Variants in SYT16 observed in about 807,000 individuals in gnomAD.
SYT16 encodes synaptotagmin 16, also known as synaptotagmin-16.
A neutral mutation model predicts 61.4 loss-of-function variants in SYT16; 42 were observed. The ratio of observed to expected loss-of-function variants is 0.68; its 90% confidence interval spans 0.53 to 0.89. The LOEUF is 0.89. Ranked by LOEUF, SYT16 falls within the 40% of genes least tolerant of loss-of-function variation. The pLI is 0.00. For missense variants in SYT16, 804 were observed against 807.3 expected (o/e 1.00, Z 0.05); for synonymous variants, 314 against 302.3 (o/e 1.04, Z -0.40).
chr14:62,101,373 A>C lies in SYT16; in HGVS notation c.*666A>C, dbSNP rs2057414697. 1 of 152,178 alleles carries C rather than the reference A, an allele frequency of 6.6e-6. No homozygotes were observed. Among genetic ancestry groups the C allele is most frequent in the Non-Finnish European group, 1.5e-5 (1 of 68,022 alleles). 9.4% of individuals were successfully genotyped at this position (152,178 alleles called of 1,614,324 possible). On this transcript the variant is annotated 3_prime_UTR_variant, in exon 8 of 8. Coordinates refer to ENST00000683842, the MANE Select transcript of SYT16 (RefSeq NM_001367656.1). ...TTTGAAGCAAGAAAAGAGTTCAGAA[A>C]CTACTGTTTTAAGACAACTTGTCTC...
At chr14:62,050,780 A>T (rs2140887094) in intron 3 of SYT16, among the ~76,000 whole-genome samples, 2 of 152,090 alleles carry the variant, frequency 1.3e-5, no homozygotes, top group East Asian at 3.9e-4. Context: ...GTGGCTGCAG[A>T]ACAGCAGATG....
intron 1 of SYT16, among the ~76,000 whole-genome samples, chr14:61,853,074 A>G (rs918316888): frequency 6.6e-6 from 1 of 152,152 alleles, no homozygotes; most frequent in Non-Finnish European, 1.5e-5. Flanking sequence ...ATCTGCCACC[A>G]TGCCCAACTA....
chr14:62,026,247 T>C (rs747955898), intron 3 of SYT16, among the ~76,000 whole-genome samples: 4 of 152,208 alleles, frequency 2.6e-5, no homozygotes, highest in Non-Finnish European at 5.9e-5. Context: ...TCAAAGTATA[T>C]TTCAAACTGT....
chr14:62,084,970 T>G (rs1595378893), intron 7 of SYT16, among the ~76,000 whole-genome samples: 1 of 152,122 alleles, frequency 6.6e-6, no homozygotes, highest in Non-Finnish European at 1.5e-5. Flanking sequence ...GTTGTGGTGG[T>G]GACAGAGAAA....
intron 1 of SYT16, among the ~76,000 whole-genome samples, chr14:61,940,803 C>A (rs1002374800): frequency 6.6e-6 from 1 of 152,124 alleles, no homozygotes; most frequent in Non-Finnish European, 1.5e-5. Flanking sequence ...GGCAGGCTTC[C>A]CTGGAATGCT....
At chr14:61,930,227 C>T (rs535446995) in intron 1 of SYT16, among the ~76,000 whole-genome samples, 2 of 152,168 alleles carry the variant, frequency 1.3e-5, no homozygotes, top group Admixed American at 6.5e-5. Context: ...AGTTTTATGC[C>T]GCTGTCTCCT....
At chr14:61,865,364 C>T (rs771834052) in intron 1 of SYT16, 62 of 649,624 alleles carry the variant, frequency 9.5e-5, no homozygotes, top group South Asian at 7.1e-4. Context: ...AAACAGGGCA[C>T]ACAAGAAGGG....
intron 1 of SYT16, among the ~76,000 whole-genome samples, chr14:61,866,266 T>C (rs1566637454): frequency 6.6e-6 from 1 of 152,064 alleles, no homozygotes; most frequent in Non-Finnish European, 1.5e-5. Context: ...ATATGGTAGA[T>C]GGGTACACAT....
chr14:61,853,406 A>G (rs757306366), intron 1 of SYT16, among the ~76,000 whole-genome samples: 8 of 152,206 alleles, frequency 5.3e-5, no homozygotes, highest in Non-Finnish European at 8.8e-5. Flanking sequence ...TGTCTCCCCA[A>G]GTACATGTGT....
In SYT16 at chr14:62,069,710, G is replaced by C; in HGVS notation, c.631G>C (p.Val211Leu). The C allele has an allele frequency of 3.1e-6, 5 of 1,614,008 alleles. No individual in the cohort carries two copies. The highest frequency in any genetic ancestry group is 4.2e-6 in the Non-Finnish European group (5 of 1,179,886). ...GTCCCGGTCCCAGAGTTTCCGTTCA[G>C]TGACATCTGAGAAAGGAAAGCAGAC... is the stretch of plus-strand genomic sequence containing the variant. ...SVSRSQSFRS[V>L]TSEKGKQTGL... The change falls in exon 4 of 8, where the codon GTG becomes CTG. Residue 211 changes from valine to leucine, a missense_variant. By Grantham distance (32) the Val-to-Leu change is conservative. Coordinates refer to ENST00000683842, the MANE Select transcript of SYT16 (RefSeq NM_001367656.1).
chr14:61,816,682 C>G (rs916822654), intron 1 of SYT16, among the ~76,000 whole-genome samples: 6 of 152,164 alleles, frequency 3.9e-5, no homozygotes, highest in African/African-American at 1.4e-4. Flanking sequence ...TAGGATCCCT[C>G]TCTGCTGCAG....
At chr14:61,862,122 G>A (rs367970043) in intron 1 of SYT16, among the ~76,000 whole-genome samples, 1 of 152,182 alleles carries the variant, frequency 6.6e-6, no homozygotes, top group Non-Finnish European at 1.5e-5. Flanking sequence ...CTTTATGAAA[G>A]TATAATTTGC....
intron 1 of SYT16, among the ~76,000 whole-genome samples, chr14:61,865,624 G>A (rs2047124324): frequency 6.6e-6 from 1 of 152,192 alleles, no homozygotes; most frequent in Admixed American, 6.5e-5. Flanking sequence ...GCATTTTTCA[G>A]TAATATACAT....
At position 62,081,075 on chromosome 14, in the gene SYT16, C is replaced by T. The variant is rs770106928; in HGVS notation, c.1235C>T (p.Pro412Leu). 7 of 1,613,606 alleles carry T rather than the reference C, an allele frequency of 4.3e-6. No homozygotes were observed. Among genetic ancestry groups the T allele is most frequent in the African/African-American group, 1.3e-5 (1 of 74,886 alleles). Reference protein sequence around the residue: ...GRTNIQRGPNPVFREKVTFAK... With the variant: ...GRTNIQRGPNLVFREKVTFAK... ...ACGAACATACAGAGAGGGCCCAACCCCGTCTTCAGGGAGAAGGTCACCTTT... is the reference window on the plus strand; with the variant it reads ...ACGAACATACAGAGAGGGCCCAACCTCGTCTTCAGGGAGAAGGTCACCTTT... The change falls in exon 6 of 8, where the codon CCC becomes CTC. Residue 412 changes from proline (P) to leucine (L), a missense_variant. Physicochemically the swap from Pro to Leu is moderately conservative, Grantham distance 98. Coordinates refer to ENST00000683842, the MANE Select transcript of SYT16 (RefSeq NM_001367656.1).
intron 1 of SYT16, among the ~76,000 whole-genome samples, chr14:61,913,226 T>A (rs779610601): frequency 6.6e-6 from 1 of 152,204 alleles, no homozygotes; most frequent in Non-Finnish European, 1.5e-5. Flanking sequence ...AGGGATTTTG[T>A]CCAGCATGTG....
chr14:62,084,219 A>C lies in SYT16; in HGVS notation c.1458A>C (p.Pro486=). The C allele has an allele frequency of 6.2e-7, 1 of 1,613,768 alleles. No individual in the cohort carries two copies. The highest frequency in any genetic ancestry group is 8.5e-7 in the Non-Finnish European group (1 of 1,179,816). The change falls in exon 7 of 8, where the codon CCA becomes CCC. Residue 486 remains proline, a synonymous_variant. Transcript: ENST00000683842. ...NISSGGSPLS[P]SAVSHSDSTS... Reference sequence around the variant, plus strand: ...AGAGTGGAGGGTCTCCGCTCAGCCCATCTGCGGTTTCTCACAGTGATAGTA... The same window carrying C: ...AGAGTGGAGGGTCTCCGCTCAGCCCCTCTGCGGTTTCTCACAGTGATAGTA...
At chr14:61,929,508 G>A (rs143240828) in intron 1 of SYT16, among the ~76,000 whole-genome samples, 1 of 152,326 alleles carries the variant, frequency 6.6e-6, no homozygotes, top group African/African-American at 2.4e-5. Context: ...GATTTTAAAT[G>A]TTTCAGGGAA....
chr14:61,833,005 C>A (rs67653027), intron 1 of SYT16, among the ~76,000 whole-genome samples: 21,856 of 152,082 alleles, frequency 0.14, 1,659 homozygotes, highest in African/African-American at 0.2. Flanking sequence ...CATGGTGATT[C>A]GTTTCCTCCT....
Position 62,050,550 on chromosome 14 carries a change from G to A in SYT16, c.524-19053G>A, listed in dbSNP as rs377614094. Among the ~76,000 whole-genome samples the A allele has an allele frequency of 3.8e-4, 58 of 152,280 alleles. No individual in the cohort carries two copies. The East Asian group carries it at 9.6e-3, about 25-fold the overall frequency. Reference sequence around the variant, plus strand: ...TCCTTTGGAGGAGGAGAGGCGCTCCGAATTTTAGAGTTTGCAGTTTTTCTG... The same window carrying A: ...TCCTTTGGAGGAGGAGAGGCGCTCCAAATTTTAGAGTTTGCAGTTTTTCTG... On this transcript the variant is annotated intron_variant, in intron 3 of 7. Transcript: ENST00000683842.
Sources: allele counts gnomAD v4.1 joint callset (sites outside exome capture counted in the v4.1 genomes callset), GRCh38; gene constraint gnomAD v4.1.1; transcripts MANE v1.5; gene names NCBI Gene and HGNC (gene_info 2026-07-23, HGNC 2026-07-21).